DDX60: variants seen among roughly 807,000 people sequenced by gnomAD.
DDX60 encodes the protein probable ATP-dependent RNA helicase DDX60.
DDX60 carries 165 observed loss-of-function variants against 212.8 expected under a neutral mutation model. The observed-to-expected ratio is 0.78, with a 90% CI of 0.68 to 0.88. The LOEUF (loss-of-function observed/expected upper bound fraction) is 0.88, where lower values mean the gene tolerates loss of function less well. Among genes scored for constraint, DDX60 ranks in the 40% least tolerant of loss-of-function variants. The probability of loss-of-function intolerance (pLI) is 0.00; values close to 1 mark genes in which losing one functional copy is unlikely to be tolerated. For synonymous variants in DDX60, 703 were observed against 685.3 expected, an observed-to-expected ratio of 1.03 and a Z score of -0.40; for missense variants, 1,905 against 2,003.9, an observed-to-expected ratio of 0.95 and a Z score of 0.94.
chr4:168,323,039 T>C (rs571345464), upstream of DDX60, among the ~76,000 whole-genome samples: 37 of 152,280 alleles, frequency 2.4e-4, no homozygotes, highest in Admixed American at 1.6e-3. Flanking sequence ...GTGCAGAGTA[T>C]ATCTGGTGAG....
rs140739619 is a variant in DDX60 at position 168,259,688 on chromosome 4, T to C, written c.3398+1177A>G. Among the ~76,000 whole-genome samples, 3 of 150,290 alleles carry C rather than the reference T, an allele frequency of 2.0e-5. No homozygotes were observed. In the East Asian group the frequency reaches 5.8e-4, roughly 29 times the overall value. On this transcript the variant is annotated intron_variant, in intron 25 of 37. Coordinates refer to ENST00000393743, the MANE Select transcript of DDX60 (RefSeq NM_017631.6). Reference sequence around the variant, plus strand: ...TCCCAAACTATGTTACCAAAGTTAATCCAGGATCTAGTATGTTATCCATTT... The same window carrying C: ...TCCCAAACTATGTTACCAAAGTTAACCCAGGATCTAGTATGTTATCCATTT...
Position 168,236,250 on chromosome 4 carries a change from ACC to A in DDX60, c.4533_4533+1del. 1 of 1,609,558 alleles carries A rather than the reference ACC, an allele frequency of 6.2e-7. No homozygotes were observed. The highest frequency in any genetic ancestry group is 8.5e-7 in the Non-Finnish European group (1 of 1,177,882). On this transcript the variant is annotated splice_donor_variant and coding_sequence_variant, in exon 33 of 38. Transcript: ENST00000393743. LOFTEE classifies it high-confidence loss of function. ...AAATTTTATCAGAATCACACAGTTT[ACC>A]TTTGATTGATAAAACTCGAAGTGTG...
intron 6 of DDX60, among the ~76,000 whole-genome samples, chr4:168,301,580 C>T (rs1736648974): frequency 6.6e-6 from 1 of 152,018 alleles, no homozygotes; most frequent in Non-Finnish European, 1.5e-5. Flanking sequence ...TCCATACTGA[C>T]ATAAATAAAC....
intron 10 of DDX60, among the ~76,000 whole-genome samples, chr4:168,286,194 C>A (rs1235683950): frequency 6.6e-6 from 1 of 151,200 alleles, no homozygotes; most frequent in South Asian, 2.1e-4. Flanking sequence ...AATGTGAATT[C>A]CTTTTATTAT....
At chr4:168,259,967 C>G (rs1734559412) in intron 25 of DDX60, among the ~76,000 whole-genome samples, 1 of 151,304 alleles carries the variant, frequency 6.6e-6, no homozygotes, top group Non-Finnish European at 1.5e-5. Context: ...TAAAAATTAA[C>G]AAGGCTAAAT....
At chr4:168,281,779 T>G (rs569098524) in intron 13 of DDX60, among the ~76,000 whole-genome samples, 1 of 152,326 alleles carries the variant, frequency 6.6e-6, no homozygotes, top group East Asian at 1.9e-4. Context: ...AAGTCAAGTT[T>G]AGTTGTCATC....
intron 30 of DDX60, 50 bp from the exon 31 acceptor site, chr4:168,237,845 T>C: frequency 1.5e-6 from 2 of 1,356,178 alleles, no homozygotes; most frequent in Non-Finnish European, 2.0e-6. Context: ...TGTTACGAAA[T>C]ACGTTTGAAA....
At chr4:168,241,897 G>A (rs1361867503) in intron 30 of DDX60, among the ~76,000 whole-genome samples, 4 of 152,062 alleles carry the variant, frequency 2.6e-5, no homozygotes, top group African/African-American at 7.2e-5. Flanking sequence ...TTTCATCACA[G>A]GCCCAGAGAT....
intron 22 of DDX60, chr4:168,265,686 G>A (rs976748174): frequency 6.6e-6 from 1 of 152,058 alleles, no homozygotes; most frequent in Non-Finnish European, 1.5e-5. Context: ...TATATTCATT[G>A]CTGCTTAAAG....
Position 168,267,903 on chromosome 4 carries a change from C to T in DDX60, c.2867G>A (p.Gly956Asp), listed in dbSNP as rs1734919540. Residue 956 changes from glycine (G) to aspartate (D), a missense_variant, in exon 21 of 38, where the codon GGT becomes GAT. Physicochemically the swap from Gly to Asp is moderately conservative, Grantham distance 94 (BLOSUM62 -1). Transcript: ENST00000393743. Reference protein sequence around the residue: ...ENNTASKRHVGRQAGFPKDYL... With the variant: ...ENNTASKRHVDRQAGFPKDYL... ...GTCTTTGGGAAAGCCGGCCTGACGA[C>T]CCACATGTCTTTTAGAAGCGGTATT... 3.7e-6 allele frequency: 6 copies of T among 1,613,492 alleles called. No homozygotes were observed. In the South Asian group the frequency reaches 5.5e-5, roughly 15 times the overall value.
chr4:168,300,038 T>C (rs1201908489), intron 6 of DDX60, among the ~76,000 whole-genome samples: 2 of 152,132 alleles, frequency 1.3e-5, no homozygotes, highest in African/African-American at 4.8e-5. Context: ...GATGCAAAAA[T>C]TCTAAACAAA....
In DDX60 at chr4:168,275,245, T is replaced by A. The variant is rs568961177; in HGVS notation, c.2304+100A>T. On this transcript the variant is annotated intron_variant, in intron 16 of 37. Transcript: ENST00000393743. ...AATAACAAAGTATCTTTAAATGACA[T>A]GAACATCAAATATAACATGTACAGC... The A allele has an allele frequency of 4.6e-6, 5 of 1,096,748 alleles. No homozygotes were observed. In the African/African-American group the frequency reaches 8.0e-5, roughly 17 times the overall value. The allele number at this position is 1,096,748 out of a possible 1,614,324, so 67.9% of individuals were successfully genotyped here. A position where few individuals can be genotyped will look rare whatever the true frequency, so the allele number is the denominator to read the frequency against.
chr4:168,248,948 C>T (rs1326491408), intron 28 of DDX60, among the ~76,000 whole-genome samples: 1 of 152,054 alleles, frequency 6.6e-6, no homozygotes, highest in African/African-American at 2.4e-5. Flanking sequence ...TTAGTAGAGA[C>T]AGAGTTTCAC....
chr4:168,298,263 C>T (rs905272676), intron 6 of DDX60, among the ~76,000 whole-genome samples: 5 of 151,946 alleles, frequency 3.3e-5, no homozygotes, highest in Non-Finnish European at 5.9e-5. Flanking sequence ...CAAGACCAAA[C>T]GTATCAGTCA....
upstream of DDX60, among the ~76,000 whole-genome samples, chr4:168,323,336 G>T (rs902720373): frequency 1.3e-5 from 2 of 152,156 alleles, no homozygotes; most frequent in African/African-American, 4.8e-5. Flanking sequence ...GGACTCCTGT[G>T]GCACTGGTAT....
intron 5 of DDX60, among the ~76,000 whole-genome samples, chr4:168,304,090 G>A (rs113099019): frequency 3.3e-5 from 5 of 152,230 alleles, no homozygotes; most frequent in South Asian, 2.1e-4. Flanking sequence ...TGTACTATGC[G>A]AATTTTTTAT....
At chr4:168,288,759 A>C (rs1179183290) in intron 8 of DDX60, among the ~76,000 whole-genome samples, 1 of 152,218 alleles carries the variant, frequency 6.6e-6, no homozygotes, top group Non-Finnish European at 1.5e-5. Flanking sequence ...GAATCCTTCA[A>C]ACTCTTAAGA....
upstream of DDX60, among the ~76,000 whole-genome samples, chr4:168,320,246 AGAG>A (rs1737571281): frequency 2.0e-5 from 3 of 152,218 alleles, no homozygotes; most frequent in South Asian, 6.2e-4. Flanking sequence ...AATCTTTAGA[AGAG>A]GAGATTACCC....
intron 14 of DDX60, among the ~76,000 whole-genome samples, chr4:168,279,123 G>A (rs1407528342): frequency 6.6e-6 from 1 of 152,204 alleles, no homozygotes; most frequent in Non-Finnish European, 1.5e-5. Context: ...ATAGCATACA[G>A]ACTGAAGAAG....
Sources: gnomAD v4.1 joint callset for allele counts (sites outside exome capture counted in the v4.1 genomes callset) on GRCh38, gnomAD v4.1.1 for gene constraint, MANE v1.5 for transcripts, NCBI Gene and HGNC (gene_info 2026-07-23, HGNC 2026-07-21) for gene names.